PCDHGA6: variants seen among roughly 807,000 people sequenced by gnomAD.
PCDHGA6 encodes protocadherin gamma-A6.
In PCDHGA6, 41 loss-of-function variants were observed where a neutral mutation model predicts 60.6. That is an observed-to-expected ratio of 0.68 (90% CI 0.53 to 0.88). PCDHGA6 has a LOEUF of 0.88. Ranked by LOEUF, PCDHGA6 falls within the 40% of genes least tolerant of loss-of-function variation. The probability of loss-of-function intolerance (pLI) is 0.00; values close to 1 mark genes in which losing one functional copy is unlikely to be tolerated. For synonymous variants in PCDHGA6, 594 were observed against 524.4 expected, an observed-to-expected ratio of 1.13 and a Z score of -1.81; for missense variants, 1,312 against 1,203.0, an observed-to-expected ratio of 1.09 and a Z score of -1.34.
intron 1 of PCDHGA6, chr5:141,400,327 G>A: frequency 6.2e-7 from 1 of 1,614,074 alleles, no homozygotes. Context: ...GTCTGGACCT[G>A]TGGTTCCCCC....
intron 1 of PCDHGA6, chr5:141,408,693 T>C (rs1561714723): frequency 6.2e-6 from 10 of 1,613,768 alleles, no homozygotes; most frequent in Non-Finnish European, 8.5e-6. Flanking sequence ...GATATAAACA[T>C]AAACTCAATT....
intron 1 of PCDHGA6, chr5:141,393,472 C>A: frequency 6.2e-7 from 1 of 1,614,024 alleles, no homozygotes; most frequent in Non-Finnish European, 8.5e-7. Context: ...GGCGGCAAGC[C>A]GCCTCGCTCT....
At chr5:141,390,237 G>A (rs748278212) in intron 1 of PCDHGA6, 2 of 1,614,004 alleles carry the variant, frequency 1.2e-6, no homozygotes, top group Non-Finnish European at 1.7e-6. Flanking sequence ...TTCATCTGGG[G>A]CCTTATTTCC....
chr5:141,375,623 C>G lies in PCDHGA6; in HGVS notation c.1540C>G (p.Leu514Val). 5 of 1,614,244 alleles carry G rather than the reference C, an allele frequency of 3.1e-6. No homozygotes were observed. Among genetic ancestry groups the G allele is most frequent in the Non-Finnish European group, 3.4e-6 (4 of 1,180,042 alleles). The stretch of plus-strand genomic sequence containing the variant: ...GTCCATCAACTCCGACACTGGGATT[C>G]TGTACGCCCTGCGCTCCTTCGACTA... ...YVSINSDTGI[L>V]YALRSFDYEQ... The change falls in exon 1 of 4, where the codon CTG becomes GTG. Residue 514 changes from leucine to valine, a missense_variant. Coordinates refer to ENST00000517434, the MANE Select transcript of PCDHGA6 (RefSeq NM_018919.3).
intron 1 of PCDHGA6, among the ~76,000 whole-genome samples, chr5:141,461,881 T>C (rs2099025428): frequency 6.6e-6 from 1 of 152,060 alleles, no homozygotes. Flanking sequence ...TGGAGTGCAA[T>C]GGCACGATCT....
chr5:141,490,796 A>G lies in PCDHGA6; in HGVS notation c.2425-4011A>G. ...CCAGAGGATGGACGGATCTTTGCCC[A>G]GCGTACCTTTGACTATGAATTGCTG... On this transcript the variant is annotated intron_variant, in intron 1 of 3. Coordinates refer to ENST00000517434, the MANE Select transcript of PCDHGA6 (RefSeq NM_018919.3). The surrounding 1 kb of genome is among the most constrained non-coding windows in gnomAD (Gnocchi z 5.4). The G allele has an allele frequency of 6.2e-7, 1 of 1,613,978 alleles. No individual in the cohort carries two copies. The highest frequency in any genetic ancestry group is 8.5e-7 in the Non-Finnish European group (1 of 1,179,904).
At chr5:141,447,976 C>T (rs774074042) in intron 1 of PCDHGA6, among the ~76,000 whole-genome samples, 18 of 151,938 alleles carry the variant, frequency 1.2e-4, no homozygotes, top group Non-Finnish European at 2.5e-4. Flanking sequence ...ATCCCAGCTA[C>T]TCGGGAGGCT....
chr5:141,504,705 T>C (rs960774850), intron 2 of PCDHGA6, among the ~76,000 whole-genome samples: 19 of 151,608 alleles, frequency 1.3e-4, no homozygotes, highest in Middle Eastern at 3.4e-3. Flanking sequence ...GGTTCTTCTA[T>C]GGCCGTGGAT....
chr5:141,444,494 A>G (rs892854259), intron 1 of PCDHGA6, among the ~76,000 whole-genome samples: 1 of 152,010 alleles, frequency 6.6e-6, no homozygotes, highest in Admixed American at 6.6e-5. Flanking sequence ...ATATTGTGTA[A>G]TACTTTGCTC....
intron 1 of PCDHGA6, among the ~76,000 whole-genome samples, chr5:141,459,220 A>G (rs1234283814): frequency 6.6e-6 from 1 of 152,234 alleles, no homozygotes; most frequent in Non-Finnish European, 1.5e-5. Flanking sequence ...CTCCAGCTCC[A>G]GGCAACAACT....
intron 1 of PCDHGA6, chr5:141,478,355 G>A: frequency 6.2e-7 from 1 of 1,613,742 alleles, no homozygotes; most frequent in Non-Finnish European, 8.5e-7. Context: ...CGCGGACGCC[G>A]TGCGGGGAGG....
rs1233801398 is a variant in PCDHGA6, at chr5:141,431,238, C to T, written c.2424+54731C>T. The stretch of plus-strand genomic sequence containing the variant: ...TTCCCTCTACCCCACGCCTGGGATC[C>T]GGATATCGGGAAGAACTCTCTGCAG... On this transcript the variant is annotated intron_variant, in intron 1 of 3. Coordinates refer to ENST00000517434, the MANE Select transcript of PCDHGA6 (RefSeq NM_018919.3). This position sits in a 1 kb window ranked among gnomAD's most constrained non-coding sequence, Gnocchi z 4.8. The T allele has an allele frequency of 3.7e-6, 6 of 1,614,156 alleles. No homozygotes were observed. Among genetic ancestry groups the T allele is most frequent in the Non-Finnish European group, 8.5e-7 (1 of 1,180,038 alleles).
intron 1 of PCDHGA6, 48 bp from the exon 2 acceptor site, chr5:141,494,759 C>CT: frequency 6.2e-7 from 1 of 1,613,886 alleles, no homozygotes; most frequent in Non-Finnish European, 8.5e-7. Flanking sequence ...GGGTGACATT[C>CT]TAACTTCTCA....
intron 1 of PCDHGA6, chr5:141,409,189 C>T (rs1216028242): frequency 6.2e-7 from 1 of 1,613,918 alleles, no homozygotes; most frequent in Admixed American, 1.7e-5. Flanking sequence ...GTCTCTCTAC[C>T]CAGTGTAAAG....
intron 1 of PCDHGA6, chr5:141,383,160 G>T (rs770719921): frequency 1.9e-6 from 3 of 1,613,316 alleles, no homozygotes; most frequent in Admixed American, 1.7e-5. Context: ...TGGTCACTGC[G>T]GGCAGGATAG....
intron 1 of PCDHGA6, chr5:141,419,057 A>T: frequency 6.2e-7 from 1 of 1,613,900 alleles, no homozygotes; most frequent in East Asian, 2.2e-5. Flanking sequence ...TTCTTCTAAT[A>T]ATTACTACAA....
In PCDHGA6 at chr5:141,374,870, G is replaced by T; in HGVS notation, c.787G>T (p.Ala263Ser). Residue 263 changes from alanine to serine, a missense_variant, in exon 1 of 4, where the codon GCA becomes TCA. Ala to Ser is a moderately conservative substitution (Grantham distance 99). Transcript: ENST00000517434. ...ENLPVGTPVL[A>S]VTATDQDEGV... The stretch of plus-strand genomic sequence containing the variant: ...CCTGCCAGTAGGCACACCAGTGTTG[G>T]CAGTGACTGCCACCGACCAGGATGA... 1 of 1,613,702 alleles carries T rather than the reference G, an allele frequency of 6.2e-7. No homozygotes were observed. The highest frequency in any genetic ancestry group is 8.5e-7 in the Non-Finnish European group (1 of 1,179,894).
chr5:141,393,428 G>A (rs1043256482), intron 1 of PCDHGA6: 2 of 1,614,042 alleles, frequency 1.2e-6, no homozygotes, highest in Admixed American at 1.7e-5. Flanking sequence ...GGGAGGAAGA[G>A]GCTGCTCACC....
intron 1 of PCDHGA6, chr5:141,385,518 A>T (rs1194402340): frequency 9.5e-6 from 13 of 1,366,176 alleles, no homozygotes; most frequent in Non-Finnish European, 1.2e-5. Flanking sequence ...GTGAAAGCCT[A>T]TGGACAAGAT....
Sources: gnomAD v4.1 joint callset for allele counts (sites outside exome capture counted in the v4.1 genomes callset) on GRCh38, gnomAD v4.1.1 for gene constraint, Gnocchi (gnomAD v3.1) non-coding constraint, MANE v1.5 for transcripts, NCBI Gene and HGNC (gene_info 2026-07-23, HGNC 2026-07-21) for gene names.